Variants in ABI3BP observed in about 807,000 individuals in gnomAD.
The protein encoded by ABI3BP is ABI family member 3 binding protein.
A neutral mutation model predicts 268.6 loss-of-function variants in ABI3BP; 216 were observed. The observed-to-expected ratio is 0.80, with a 90% CI of 0.72 to 0.90. The LOEUF (loss-of-function observed/expected upper bound fraction) is 0.90, where lower values mean the gene tolerates loss of function less well. ABI3BP is among the 40% of genes least tolerant of loss of function. The pLI is 0.00. For missense variants in ABI3BP, 2,090 were observed against 2,182.4 expected (o/e 0.96, Z 0.84); for synonymous variants, 730 against 730.0 (o/e 1.00, Z 0.00).
chr3:100,789,054 A>G (rs1446892193), intron 56 of ABI3BP, among the ~76,000 whole-genome samples: 3 of 152,116 alleles, frequency 2.0e-5, no homozygotes, highest in Admixed American at 2.0e-4. Context: ...GGAATCAAGT[A>G]AAAATGTTCT....
At chr3:100,939,424 A>G (rs1430190744) in intron 1 of ABI3BP, among the ~76,000 whole-genome samples, 2 of 152,040 alleles carry the variant, frequency 1.3e-5, no homozygotes, top group African/African-American at 4.8e-5. Context: ...CTTAAGCGTC[A>G]GCCAGCTTGA....
chr3:100,926,709 A>T (rs1425898449), intron 1 of ABI3BP, among the ~76,000 whole-genome samples: 3 of 152,160 alleles, frequency 2.0e-5, no homozygotes, highest in African/African-American at 7.2e-5. Flanking sequence ...GTAGTTTATT[A>T]TTGGGCAGGT....
chr3:100,982,528 A>G (rs1410695062), intron 1 of ABI3BP, among the ~76,000 whole-genome samples: 1 of 150,624 alleles, frequency 6.6e-6, no homozygotes, highest in Non-Finnish European at 1.5e-5. Context: ...CAAAAACCAC[A>G]GTTACTTTTG....
At chr3:100,904,955 T>C (rs1357244450) in intron 2 of ABI3BP, among the ~76,000 whole-genome samples, 1 of 152,192 alleles carries the variant, frequency 6.6e-6, no homozygotes, top group Non-Finnish European at 1.5e-5. Flanking sequence ...TAAAGACACA[T>C]GCACATGTAT....
intron 57 of ABI3BP, among the ~76,000 whole-genome samples, chr3:100,786,348 AT>A (rs1262808615): frequency 6.6e-6 from 1 of 152,212 alleles, no homozygotes; most frequent in Non-Finnish European, 1.5e-5. Context: ...TGGATACATT[AT>A]TATAAAGTTG....
At chr3:100,899,458 T>G (rs1487619913) in intron 3 of ABI3BP, among the ~76,000 whole-genome samples, 1 of 152,228 alleles carries the variant, frequency 6.6e-6, no homozygotes, top group East Asian at 1.9e-4. Context: ...AATGAGTATC[T>G]AAATGGAAAA....
chr3:100,928,991 T>C (rs1264983558), intron 1 of ABI3BP, among the ~76,000 whole-genome samples: 2 of 152,098 alleles, frequency 1.3e-5, no homozygotes, highest in Non-Finnish European at 2.9e-5. Flanking sequence ...TTTTCCCTTT[T>C]TAATAATGTG....
intron 4 of ABI3BP, among the ~76,000 whole-genome samples, chr3:100,894,189 T>C (rs888270538): frequency 6.6e-5 from 10 of 151,964 alleles, no homozygotes; most frequent in African/African-American, 2.4e-4. Context: ...TCATAAACGA[T>C]AGTAGGTGAA....
At position 100,862,319 on chromosome 3, in the gene ABI3BP, G is replaced by T; in HGVS notation, c.1277C>A (p.Pro426His). 1 of 1,598,392 alleles carries T rather than the reference G, an allele frequency of 6.3e-7. No individual in the cohort carries two copies. The highest frequency in any genetic ancestry group is 1.7e-5 in the Admixed American group (1 of 58,000). Residue 426 changes from proline to histidine, a missense_variant, in exon 14 of 68, where the codon CCT becomes CAT. Pro to His is a moderately conservative substitution (Grantham distance 77, BLOSUM62 -2). Coordinates refer to ENST00000471714, the MANE Select transcript of ABI3BP (RefSeq NM_001375547.2). Reference protein sequence around the residue: ...KISEDSKVLQPQTATYDVFSS... With the variant: ...KISEDSKVLQHQTATYDVFSS... Reference sequence around the variant, plus strand: ...GAAAAGGATTTAATTACCAGTTTGAGGCTGCAGAACTTTGGAATCTTCAGA... The same window carrying T: ...GAAAAGGATTTAATTACCAGTTTGATGCTGCAGAACTTTGGAATCTTCAGA...
chr3:100,812,502 A>G lies in ABI3BP; in HGVS notation c.3386T>C (p.Val1129Ala). 1 of 1,333,668 alleles carries G rather than the reference A, an allele frequency of 7.5e-7. No homozygotes were observed. The highest frequency in any genetic ancestry group is 2.2e-5 in the South Asian group (1 of 45,544). 82.6% of individuals were successfully genotyped at this position (1,333,668 alleles called of 1,614,324 possible). A position where few individuals can be genotyped will look rare whatever the true frequency, so the allele number is the denominator to read the frequency against. The stretch of plus-strand genomic sequence containing the variant: ...CTTTGGTGACTCAGTACTAAGTGTA[A>G]CCGATTCCAGAACATCAGAAACTAG... ...SQPVSDVLESVTLSTESPKET... is the reference protein window; with the variant it reads ...SQPVSDVLESATLSTESPKET... The change falls in exon 46 of 68, where the codon GTT becomes GCT. Residue 1129 changes from valine (V) to alanine (A), a missense_variant. By Grantham distance (64) the Val-to-Ala change is moderately conservative. Transcript: ENST00000471714.
At chr3:100,759,137 G>GT (rs1307947179) in intron 63 of ABI3BP, among the ~76,000 whole-genome samples, 6 of 152,070 alleles carry the variant, frequency 3.9e-5, no homozygotes, top group Non-Finnish European at 1.5e-5. Flanking sequence ...CAAGCAAACT[G>GT]TTTTTTATAT....
At chr3:100,759,461 CA>C (rs1559848261) in intron 63 of ABI3BP, among the ~76,000 whole-genome samples, 1 of 152,076 alleles carries the variant, frequency 6.6e-6, no homozygotes, top group Admixed American at 6.5e-5. Context: ...ACTCAGAAGA[CA>C]AAATAAGGCT....
chr3:100,794,798 G>A, intron 54 of ABI3BP, 125 bp downstream of exon 54: 1 of 682,118 alleles, frequency 1.5e-6, no homozygotes, highest in African/African-American at 1.8e-5. Flanking sequence ...AAAGTATTGA[G>A]TGAAATGGAT....
chr3:100,993,256 C>T (rs1401585151), intron 1 of ABI3BP, 50 bp downstream of exon 1: 13 of 1,271,110 alleles, frequency 1.0e-5, no homozygotes, highest in African/African-American at 1.5e-5. Flanking sequence ...CATTTAAAAA[C>T]ATCTATATCT....
At chr3:100,823,015 G>A (rs2098273575) in intron 37 of ABI3BP, among the ~76,000 whole-genome samples, 1 of 151,842 alleles carries the variant, frequency 6.6e-6, no homozygotes, top group Non-Finnish European at 1.5e-5. Flanking sequence ...TCAATTTTTG[G>A]CACATATTCT....
chr3:100,859,777 A>G (rs561246115), intron 14 of ABI3BP, among the ~76,000 whole-genome samples: 2 of 152,270 alleles, frequency 1.3e-5, no homozygotes, highest in South Asian at 2.1e-4. Context: ...TTAACTACCC[A>G]CTTTGAAAAA....
intron 3 of ABI3BP, 59 bp from the exon 4 acceptor site, chr3:100,898,953 C>A (rs1394140775): frequency 1.3e-6 from 2 of 1,504,224 alleles, no homozygotes; most frequent in African/African-American, 1.4e-5. Context: ...TGCCATGATT[C>A]GGGTAAAATG....
chr3:100,796,348 C>G, intron 52 of ABI3BP, 61 bp downstream of exon 52: 1 of 1,331,054 alleles, frequency 7.5e-7, no homozygotes, highest in South Asian at 1.6e-5. Flanking sequence ...ATATTTACTT[C>G]AAGAATTTTT....
At chr3:100,918,122 A>G (rs969536964) in intron 2 of ABI3BP, among the ~76,000 whole-genome samples, 8 of 152,186 alleles carry the variant, frequency 5.3e-5, no homozygotes, top group African/African-American at 1.9e-4. Flanking sequence ...AAAGCCAAAT[A>G]CTTCCCAAGT....
Sources: allele counts gnomAD v4.1 joint callset (sites outside exome capture counted in the v4.1 genomes callset), GRCh38; gene constraint gnomAD v4.1.1; transcripts MANE v1.5; gene names NCBI Gene and HGNC (gene_info 2026-07-23, HGNC 2026-07-21).